Variants in THSD7B observed in about 807,000 individuals in gnomAD.
The protein encoded by THSD7B is thrombospondin type 1 domain containing 7B, also known as thrombospondin type-1 domain-containing protein 7B.
In THSD7B, 138 loss-of-function variants were observed where a neutral mutation model predicts 213.6. The ratio of observed to expected loss-of-function variants is 0.65; its 90% confidence interval spans 0.56 to 0.74. The LOEUF (loss-of-function observed/expected upper bound fraction) is 0.74, where lower values mean the gene tolerates loss of function less well. Ranked by LOEUF, THSD7B falls within the 30% of genes least tolerant of loss-of-function variation. THSD7B has a pLI of 0.00. For synonymous variants in THSD7B, 742 were observed against 687.0 expected (o/e 1.08, Z -1.25); for missense variants, 1,931 against 1,991.5 (o/e 0.97, Z 0.58).
intron 12 of THSD7B, among the ~76,000 whole-genome samples, chr2:137,312,240 T>C (rs1683933531): frequency 1.3e-5 from 2 of 152,332 alleles, no homozygotes; most frequent in African/African-American, 4.8e-5. Context: ...CTTGGGAAAG[T>C]GTATGTGTCG....
chr2:137,578,221 AG>A (rs1213845176), intron 17 of THSD7B, among the ~76,000 whole-genome samples: 2 of 152,192 alleles, frequency 1.3e-5, no homozygotes, highest in African/African-American at 4.8e-5. Context: ...GGAGAGGTAC[AG>A]GAAGTTGAAA....
At chr2:137,556,830 G>T (rs1190048618) in intron 15 of THSD7B, among the ~76,000 whole-genome samples, 6 of 152,094 alleles carry the variant, frequency 3.9e-5, no homozygotes, top group African/African-American at 4.8e-5. Flanking sequence ...AGGCTCAAAA[G>T]AAAGGGATGG....
chr2:137,057,076 G>C lies in THSD7B; in HGVS notation c.796G>C (p.Val266Leu). 2 of 1,613,932 alleles carry C rather than the reference G, an allele frequency of 1.2e-6. No individual in the cohort carries two copies. The highest frequency in any genetic ancestry group is 8.5e-7 in the Non-Finnish European group (1 of 1,179,892). ...AGAAATTAATCCAAGCGGAAGAACTGTTCTGGATTTTAACTCTGATTCAAA... is the reference window on the plus strand; with the variant it reads ...AGAAATTAATCCAAGCGGAAGAACTCTTCTGGATTTTAACTCTGATTCAAA... ...LKEINPSGRTVLDFNSDSNER... is the reference protein window; with the variant it reads ...LKEINPSGRTLLDFNSDSNER... Residue 266 changes from valine (V) to leucine (L), a missense_variant, in exon 3 of 28, where the codon GTT becomes CTT. By Grantham distance (32) the Val-to-Leu change is conservative. Transcript: ENST00000409968.
At chr2:137,264,431 G>A (rs940613447) in intron 10 of THSD7B, among the ~76,000 whole-genome samples, 1 of 151,916 alleles carries the variant, frequency 6.6e-6, no homozygotes, top group South Asian at 2.1e-4. Context: ...TGTATTTTTA[G>A]TAGAGGCGGG....
chr2:137,655,381 C>G (rs1683214839), intron 21 of THSD7B, 120 bp from the exon 22 acceptor site: 1 of 1,067,484 alleles, frequency 9.4e-7, no homozygotes, highest in African/African-American at 1.6e-5. Context: ...AGATAGCTCA[C>G]AAGAAGAGGA....
rs192552138 is a variant in THSD7B at position 137,547,970 on chromosome 2, T to G, written c.3139-15251T>G. 1.9e-3 allele frequency among the ~76,000 whole-genome samples: 282 copies of G among 152,144 alleles called. 2 individuals are homozygous for G. The highest frequency in any genetic ancestry group is 4.5e-3 in the Admixed American group (69 of 15,236). On this transcript the variant is annotated intron_variant, in intron 15 of 27. Transcript: ENST00000409968. Reference sequence around the variant, plus strand: ...GGAATTCAGGTCAGATCCAGTTTTGTGCTTGCCTACTGTGAACACTGGTAA... The same window carrying G: ...GGAATTCAGGTCAGATCCAGTTTTGGGCTTGCCTACTGTGAACACTGGTAA...
chr2:137,538,094 G>T (rs558850712), intron 15 of THSD7B, among the ~76,000 whole-genome samples: 1 of 151,692 alleles, frequency 6.6e-6, no homozygotes, highest in Non-Finnish European at 1.5e-5. Context: ...CAATTCTCAT[G>T]TCTTTTCCTG....
intron 17 of THSD7B, among the ~76,000 whole-genome samples, chr2:137,580,201 G>A (rs1266327529): frequency 6.6e-6 from 1 of 151,892 alleles, no homozygotes; most frequent in Admixed American, 6.6e-5. Context: ...CCATTTTCTA[G>A]ATATGTTAAA....
intron 15 of THSD7B, among the ~76,000 whole-genome samples, chr2:137,483,748 G>C (rs1364437486): frequency 6.6e-6 from 1 of 152,200 alleles, no homozygotes; most frequent in African/African-American, 2.4e-5. Context: ...CTGGGCAGGA[G>C]AAAGTACAAA....
At chr2:137,420,555 G>A (rs1044354735) in intron 14 of THSD7B, among the ~76,000 whole-genome samples, 1 of 152,006 alleles carries the variant, frequency 6.6e-6, no homozygotes, top group Non-Finnish European at 1.5e-5. Context: ...CTATCTTATT[G>A]CTAATCCATG....
At chr2:136,906,249 T>A (rs1022609919) in intron 2 of THSD7B, among the ~76,000 whole-genome samples, 1 of 152,202 alleles carries the variant, frequency 6.6e-6, no homozygotes, top group Non-Finnish European at 1.5e-5. Context: ...AGATATTCTT[T>A]ATGAGAGCTT....
chr2:137,332,674 A>T (rs1684541488), intron 12 of THSD7B, among the ~76,000 whole-genome samples: 2 of 152,130 alleles, frequency 1.3e-5, no homozygotes, highest in African/African-American at 4.8e-5. Flanking sequence ...AGTTCCCATA[A>T]TCCCAACATG....
intron 7 of THSD7B, among the ~76,000 whole-genome samples, chr2:137,225,280 G>T (rs1310882756): frequency 1.3e-5 from 2 of 152,236 alleles, no homozygotes; most frequent in African/African-American, 4.8e-5. Context: ...GAAAAGCATT[G>T]TTCAATTCCA....
Position 137,232,836 on chromosome 2 carries a change from C to G in THSD7B, c.1916-63C>G, listed in dbSNP as rs115032651. 3.3e-3 allele frequency: 4,901 copies of G among 1,494,020 alleles called. 130 individuals carry two copies. In the African/African-American group the frequency reaches 0.06, roughly 18 times the overall value. The allele number at this position is 1,494,020 out of a possible 1,614,324, so 92.5% of individuals were successfully genotyped here. A position where few individuals can be genotyped will look rare whatever the true frequency, so the allele number is the denominator to read the frequency against. On this transcript the variant is annotated intron_variant, in intron 8 of 27. Coordinates refer to ENST00000409968, the MANE Select transcript of THSD7B (RefSeq NM_001316349.2). ...CTGTCTCTCTAGACCATTAAAGCAG[C>G]AGAAACAACAAAAACAAGAACAGCA...
chr2:136,792,347 A>G (rs756544441), intron 1 of THSD7B, among the ~76,000 whole-genome samples: 6 of 152,024 alleles, frequency 3.9e-5, no homozygotes, highest in Non-Finnish European at 8.8e-5. Flanking sequence ...AGTGGTTGCC[A>G]GGAGTTCTGG....
intron 7 of THSD7B, among the ~76,000 whole-genome samples, chr2:137,182,116 C>T (rs1466734258): frequency 2.0e-5 from 3 of 152,006 alleles, no homozygotes; most frequent in East Asian, 1.9e-4. Flanking sequence ...GTTTGTAAGG[C>T]GTCCCAGCAG....
At chr2:137,563,027 C>T (rs1681154983) in intron 15 of THSD7B, among the ~76,000 whole-genome samples, 194 bp from the exon 16 acceptor site, 1 of 152,084 alleles carries the variant, frequency 6.6e-6, no homozygotes, top group Non-Finnish European at 1.5e-5. Flanking sequence ...TTGATTTCCC[C>T]TGTATGCTTC....
rs148025387 is a variant in THSD7B, at chr2:136,874,616, G to A, written c.-35-7528G>A. 4.0e-3 allele frequency among the ~76,000 whole-genome samples: 609 copies of A among 152,218 alleles called. 5 individuals carry two copies. Among genetic ancestry groups the A allele is most frequent in the African/African-American group, 0.014 (580 of 41,520 alleles). On this transcript the variant is annotated intron_variant, in intron 1 of 27. Coordinates refer to ENST00000409968, the MANE Select transcript of THSD7B (RefSeq NM_001316349.2). ...CTTTTAAATATTTAAGGGCTTCAAC[G>A]ATAAGAATACATTTAAGGGAAAATG...
chr2:136,829,595 G>A (rs952021685), intron 1 of THSD7B, among the ~76,000 whole-genome samples: 10 of 152,228 alleles, frequency 6.6e-5, no homozygotes, highest in African/African-American at 2.4e-4. Flanking sequence ...CCTGACTCCA[G>A]GCCCATTGTT....
Sources: allele counts gnomAD v4.1 joint callset (sites outside exome capture counted in the v4.1 genomes callset), GRCh38; gene constraint gnomAD v4.1.1; transcripts MANE v1.5; gene names NCBI Gene and HGNC (gene_info 2026-07-23, HGNC 2026-07-21).